The following IFI35 variants were observed in gnomAD, a reference collection of about 807,000 sequenced individuals.
IFI35 encodes the protein interferon induced protein 35.
IFI35 carries 30 observed loss-of-function variants against 28.6 expected under a neutral mutation model. The observed-to-expected ratio is 1.05, with a 90% CI of 0.79 to 1.43. The LOEUF (loss-of-function observed/expected upper bound fraction) is 1.43, where lower values mean the gene tolerates loss of function less well. IFI35 is among the 40% of genes most tolerant of loss of function. The probability of loss-of-function intolerance (pLI) is 0.00; values close to 1 mark genes in which losing one functional copy is unlikely to be tolerated. For missense variants in IFI35, 372 were observed against 356.9 expected (o/e 1.04, Z -0.34); for synonymous variants, 146 against 154.8 (o/e 0.94, Z 0.42).
In IFI35 at chr17:43,013,117, A is replaced by ATAG; in HGVS notation, c.191_192insTAG (p.Lys64delinsAsnArg). 6.2e-7 allele frequency: 1 copy of ATAG among 1,613,942 alleles called. No homozygotes were observed. Among genetic ancestry groups the ATAG allele is most frequent in the Non-Finnish European group, 8.5e-7 (1 of 1,179,980 alleles). On this transcript the variant is annotated protein_altering_variant, in exon 3 of 7. Coordinates refer to ENST00000415816, the MANE Select transcript of IFI35 (RefSeq NM_001330230.2). The stretch of plus-strand genomic sequence containing the variant: ...ACCCAGCAGGACCCGGAAGTGCCTA[A>ATAG]GTCTTTAGTTTCCAATTTGCGGATC...
intron 2 of IFI35, 144 bp from the exon 3 acceptor site, chr17:43,012,903 C>A: frequency 1.1e-6 from 1 of 889,214 alleles, no homozygotes; most frequent in African/African-American, 1.7e-5. Flanking sequence ...ATGGACCAGA[C>A]CTGCATTCAT....
chr17:43,006,788 C>T lies in IFI35; in HGVS notation c.-160C>T. The T allele has an allele frequency of 2.9e-6, 2 of 679,934 alleles. No homozygotes were observed. Among genetic ancestry groups the T allele is most frequent in the Admixed American group, 4.2e-5 (2 of 47,342 alleles). 42.1% of individuals were successfully genotyped at this position (679,934 alleles called of 1,614,324 possible). A position where few individuals can be genotyped will look rare whatever the true frequency, so the allele number is the denominator to read the frequency against. The stretch of plus-strand genomic sequence containing the variant: ...TCACGGAAATGAAAGTGGAAGCAAA[C>T]AGCCTGCGAGCAGAGCCTCCTGAGG... On this transcript the variant is annotated 5_prime_UTR_variant, in exon 1 of 7. Transcript: ENST00000415816.
At chr17:43,012,143 G>T in intron 1 of IFI35, 36 bp from the exon 2 acceptor site, 1 of 1,446,582 alleles carries the variant, frequency 6.9e-7, no homozygotes, top group South Asian at 1.3e-5. Flanking sequence ...CTGGAAGGGC[G>T]GGTAGAAGTC....
Position 43,014,388 on chromosome 17 carries a change from C to T in IFI35, c.*89C>T. 2 of 875,076 alleles carry T rather than the reference C, an allele frequency of 2.3e-6. No homozygotes were observed. Among genetic ancestry groups the T allele is most frequent in the South Asian group, 1.8e-5 (1 of 55,560 alleles). The allele number at this position is 875,076 out of a possible 1,614,324, so 54.2% of individuals were successfully genotyped here. A position where few individuals can be genotyped will look rare whatever the true frequency, so the allele number is the denominator to read the frequency against. ...TGCCCATATAGGAGGTCTGTATGTT[C>T]ACCAACAGTGCGGAGGGGTCACACA... On this transcript the variant is annotated 3_prime_UTR_variant, in exon 7 of 7. Transcript: ENST00000415816.
At chr17:43,008,609 C>T (rs1242235495) in intron 1 of IFI35, among the ~76,000 whole-genome samples, 4 of 149,588 alleles carry the variant, frequency 2.7e-5, no homozygotes, top group East Asian at 2.0e-4. Flanking sequence ...CAGCAAGCTC[C>T]GCCCCATGGG....
rs752849055 is a variant in IFI35, at chr17:43,013,487, G to T, written c.387G>T (p.Gln129His). Reference sequence around the variant, plus strand: ...CTGTCTCCCCCTAGATGTCCAGCCAGTTGAGTGGCCGGAGGGTGTTGGTCA... The same window carrying T: ...CTGTCTCCCCCTAGATGTCCAGCCATTTGAGTGGCCGGAGGGTGTTGGTCA... ...PMVTTIQMSS[Q>H]LSGRRVLVTG... The change falls in exon 5 of 7, where the codon CAG becomes CAT. Residue 129 changes from glutamine (Q) to histidine (H), a missense_variant. Physicochemically the swap from Gln to His is conservative, Grantham distance 24 (BLOSUM62 0). Transcript: ENST00000415816. 1 of 1,613,976 alleles carries T rather than the reference G, an allele frequency of 6.2e-7. No homozygotes were observed. The highest frequency in any genetic ancestry group is 1.3e-5 in the African/African-American group (1 of 75,034).
At chr17:43,007,042 CAG>C in intron 1 of IFI35, 74 bp downstream of exon 1, 1 of 1,483,666 alleles carries the variant, frequency 6.7e-7, no homozygotes, top group Admixed American at 1.7e-5. Flanking sequence ...GCAGATATCT[CAG>C]GGCCTGGCAG....
At chr17:43,012,991 T>C in intron 2 of IFI35, 56 bp from the exon 3 acceptor site, 1 of 1,546,238 alleles carries the variant, frequency 6.5e-7, no homozygotes, top group Non-Finnish European at 8.8e-7. Flanking sequence ...GAATCGGAGA[T>C]GCCTTCCTCC....
At chr17:43,007,284 C>T (rs34638441) in intron 1 of IFI35, among the ~76,000 whole-genome samples, 18,493 of 152,080 alleles carry the variant, frequency 0.12, 1,561 homozygotes, top group African/African-American at 0.23. Context: ...TGGTGTCTCA[C>T]GCCTGTCATC....
chr17:43,012,256 C>A lies in IFI35; in HGVS notation c.99C>A (p.Leu33=), dbSNP rs1048725371. The part of the protein sequence containing the change: ...LWDLQQLRKE[L]GDSPKDKVPF... ...ACCTGCAGCAGCTGAGAAAGGAGCT[C>A]GGGGACTCCCCCAAAGACAAGGTAA... The change falls in exon 2 of 7, where the codon CTC becomes CTA. Residue 33 remains leucine, a synonymous_variant. Coordinates refer to ENST00000415816, the MANE Select transcript of IFI35 (RefSeq NM_001330230.2). 1.3e-6 allele frequency: 2 copies of A among 1,573,620 alleles called. No individual in the cohort carries two copies. Among genetic ancestry groups the A allele is most frequent in the Non-Finnish European group, 1.7e-6 (2 of 1,159,012 alleles).
intron 1 of IFI35, among the ~76,000 whole-genome samples, chr17:43,009,872 G>A (rs2050442058): frequency 6.6e-6 from 1 of 151,598 alleles, no homozygotes. Flanking sequence ...GGTGGAGTTT[G>A]CAGCGAGCCG....
Position 43,014,329 on chromosome 17 carries a change from C to A in IFI35, c.*30C>A. The A allele has an allele frequency of 1.3e-6, 2 of 1,484,592 alleles. No homozygotes were observed. Among genetic ancestry groups the A allele is most frequent in the Non-Finnish European group, 1.8e-6 (2 of 1,107,996 alleles). The allele number at this position is 1,484,592 out of a possible 1,614,324, so 92.0% of individuals were successfully genotyped here. A position where few individuals can be genotyped will look rare whatever the true frequency, so the allele number is the denominator to read the frequency against. The stretch of plus-strand genomic sequence containing the variant: ...CTCCCCTTCTCATCCTCCCCACCCC[C>A]CCGCCAAGGTTCTCACACTGGCCTG... On this transcript the variant is annotated 3_prime_UTR_variant, in exon 7 of 7. Transcript: ENST00000415816.
chr17:43,013,266 G>C lies in IFI35; in HGVS notation c.269-1G>C. ...TACTGACCCTGTTTCCCACCACCCA[G>C]TGGCTGAGCAGGTGCTGCAACAAAA... On this transcript the variant is annotated splice_acceptor_variant, in intron 3 of 6. Transcript: ENST00000415816. LOFTEE classifies it high-confidence loss of function. 6.2e-7 allele frequency: 1 copy of C among 1,614,194 alleles called. No homozygotes were observed. Among genetic ancestry groups the C allele is most frequent in the Non-Finnish European group, 8.5e-7 (1 of 1,180,024 alleles).
At position 43,010,866 on chromosome 17, in the gene IFI35, C is replaced by T. The variant is rs144270397; in HGVS notation, c.22-1313C>T. On this transcript the variant is annotated intron_variant, in intron 1 of 6. Transcript: ENST00000415816. ...TCCTATCTTTCCAAGAGATCTCATG[C>T]TTCTCTGAGCTGAACTTCTTTATCA... 1.3e-3 allele frequency among the ~76,000 whole-genome samples: 200 copies of T among 152,312 alleles called. 1 individual carries two copies. Among genetic ancestry groups the T allele is most frequent in the Non-Finnish European group, 2.4e-3 (162 of 68,026 alleles).
rs1012015674 is a variant in IFI35, at chr17:43,014,156, G to T, written c.718G>T (p.Asp240Tyr). The T allele has an allele frequency of 1.9e-6, 3 of 1,614,006 alleles. No individual in the cohort carries two copies. In the African/African-American group the frequency reaches 4.0e-5, roughly 22 times the overall value. Residue 240 changes from aspartate to tyrosine, a missense_variant, in exon 7 of 7, where the codon GAT (aspartate) becomes TAT (tyrosine). Asp to Tyr is a radical substitution (Grantham distance 160). Transcript: ENST00000415816. Reference sequence around the variant, plus strand: ...CTCGGTACTGGTGCTCAACATTCCTGATATCTTGGATGGCCCGGAGCTGCA... The same window carrying T: ...CTCGGTACTGGTGCTCAACATTCCTTATATCTTGGATGGCCCGGAGCTGCA... ...PRSVLVLNIPDILDGPELHDV... is the reference protein window; with the variant it reads ...PRSVLVLNIPYILDGPELHDV...
Position 43,013,506 on chromosome 17 carries a change from T to C in IFI35, c.406T>C (p.Leu136=), listed in dbSNP as rs1225744007. 6.2e-7 allele frequency: 1 copy of C among 1,613,976 alleles called. No homozygotes were observed. The highest frequency in any genetic ancestry group is 2.2e-5 in the East Asian group (1 of 44,872). ...CAGCCAGTTGAGTGGCCGGAGGGTG[T>C]TGGTCACTGGATTTCCTGCCAGCCT... ...MSSQLSGRRV[L]VTGFPASLRL... The change falls in exon 5 of 7, where the codon TTG becomes CTG. Residue 136 remains leucine, a synonymous_variant. Coordinates refer to ENST00000415816, the MANE Select transcript of IFI35 (RefSeq NM_001330230.2).
chr17:43,011,563 A>G (rs955516244), intron 1 of IFI35, among the ~76,000 whole-genome samples: 9 of 152,296 alleles, frequency 5.9e-5, no homozygotes, highest in Non-Finnish European at 1.3e-4. Flanking sequence ...AATCAATAAA[A>G]TAAGGATCAC....
At position 43,013,132 on chromosome 17, in the gene IFI35, A is replaced by AT. The variant is rs1035698617; in HGVS notation, c.209dup (p.Leu70PhefsTer17). Reference sequence around the variant, plus strand: ...GAAGTGCCTAAGTCTTTAGTTTCCAATTTGCGGATCCACTGCCCTCTGCTT... The same window carrying AT: ...GAAGTGCCTAAGTCTTTAGTTTCCAATTTTGCGGATCCACTGCCCTCTGCTT... On this transcript the variant is annotated frameshift_variant, in exon 3 of 7. Transcript: ENST00000415816. LOFTEE classifies it high-confidence loss of function. 1 of 1,613,824 alleles carries AT rather than the reference A, an allele frequency of 6.2e-7. No homozygotes were observed. The highest frequency in any genetic ancestry group is 1.3e-5 in the African/African-American group (1 of 74,898).
At chr17:43,012,686 G>T (rs2151969119) in intron 2 of IFI35, 1 of 267,034 alleles carries the variant, frequency 3.7e-6, no homozygotes. Context: ...AGTGAGCCAA[G>T]ATCATGCCAC....
Sources: gnomAD v4.1 joint callset for allele counts (sites outside exome capture counted in the v4.1 genomes callset) on GRCh38, gnomAD v4.1.1 for gene constraint, MANE v1.5 for transcripts, NCBI Gene and HGNC (gene_info 2026-07-23, HGNC 2026-07-21) for gene names.